NTM: variants seen among roughly 807,000 people sequenced by gnomAD.
The protein encoded by NTM is IgLON family member 2.
NTM carries 13 observed loss-of-function variants against 42.1 expected under a neutral mutation model. The ratio of observed to expected loss-of-function variants is 0.31; its 90% CI spans 0.20 to 0.49. The LOEUF is 0.49. Among genes scored for constraint, NTM ranks in the 20% least tolerant of loss-of-function variants. The pLI, the probability that NTM is intolerant of heterozygous loss-of-function variation, is 0.99. For synonymous variants in NTM, 187 were observed against 179.2 expected (o/e 1.04, Z -0.35); for missense variants, 373 against 452.8 (o/e 0.82, Z 1.60).
At chr11:132,287,672 A>G (rs1217929476) in intron 4 of NTM, among the ~76,000 whole-genome samples, 1 of 152,260 alleles carries the variant, frequency 6.6e-6, no homozygotes, top group African/African-American at 2.4e-5. Context: ...AATATAAAAC[A>G]TCTGAAAAAT....
At chr11:132,074,022 T>C (rs991562286) in intron 2 of NTM, among the ~76,000 whole-genome samples, 8 of 152,216 alleles carry the variant, frequency 5.3e-5, no homozygotes, top group Non-Finnish European at 1.0e-4. Flanking sequence ...GCAGTTCTAA[T>C]TGGCTGAGGA....
intron 2 of NTM, among the ~76,000 whole-genome samples, chr11:132,115,440 T>G (rs1327076170): frequency 6.6e-6 from 1 of 152,216 alleles, no homozygotes; most frequent in Non-Finnish European, 1.5e-5. Flanking sequence ...TATACAAGTT[T>G]TATTTGTCAA....
In NTM at chr11:132,336,417, G is replaced by A. The variant is rs1036155191; in HGVS notation, c.*1271G>A. 14 of 152,234 alleles carry A rather than the reference G, an allele frequency of 9.2e-5. No individual in the cohort carries two copies. The highest frequency in any genetic ancestry group is 2.9e-4 in the African/African-American group (12 of 41,492). The allele number at this position is 152,234 out of a possible 1,614,324, so 9.4% of individuals were successfully genotyped here. A position where few individuals can be genotyped will look rare whatever the true frequency, so the allele number is the denominator to read the frequency against. On this transcript the variant is annotated 3_prime_UTR_variant, in exon 9 of 9. Transcript: ENST00000683400. ...AAAAAAAAAAAACAACTAATACCGG[G>A]CGCAGCATCTTTCCAGGTGTGGCTC...
chr11:131,959,928 C>G (rs1012123633), intron 2 of NTM, among the ~76,000 whole-genome samples: 3 of 152,206 alleles, frequency 2.0e-5, no homozygotes, highest in African/African-American at 7.2e-5. Flanking sequence ...AACTTTCTCA[C>G]TTGTCTGAGG....
At chr11:131,806,998 C>T (rs2092526107) in intron 1 of NTM, among the ~76,000 whole-genome samples, 1 of 152,118 alleles carries the variant, frequency 6.6e-6, no homozygotes, top group Non-Finnish European at 1.5e-5. Context: ...TGCTGGATTA[C>T]AGGATGAGCA....
At chr11:132,218,100 A>T (rs1371318226) in intron 4 of NTM, among the ~76,000 whole-genome samples, 2 of 152,106 alleles carry the variant, frequency 1.3e-5, no homozygotes, top group African/African-American at 4.8e-5. Flanking sequence ...GGAACTAATG[A>T]GCAGCCTGTC....
chr11:131,853,429 G>A (rs1246628815), intron 1 of NTM, among the ~76,000 whole-genome samples: 1 of 152,034 alleles, frequency 6.6e-6, no homozygotes, highest in Non-Finnish European at 1.5e-5. Flanking sequence ...AGTGTGTGTT[G>A]TTTCCCCCTG....
chr11:131,671,660 C>T lies in NTM; in HGVS notation c.83-239904C>T, dbSNP rs148941045. 4.9e-3 allele frequency: 4,641 copies of T among 946,612 alleles called. 11 individuals carry two copies. Among genetic ancestry groups the T allele is most frequent in the Middle Eastern group, 0.024 (45 of 1,850 alleles). 58.6% of individuals were successfully genotyped at this position (946,612 alleles called of 1,614,324 possible). A position where few individuals can be genotyped will look rare whatever the true frequency, so the allele number is the denominator to read the frequency against. Reference sequence around the variant, plus strand: ...CCCTGTGAGAACCACCAAGACTCAGCGGTATAGGAAGCAGACGCCTTGGGC... The same window carrying T: ...CCCTGTGAGAACCACCAAGACTCAGTGGTATAGGAAGCAGACGCCTTGGGC... On this transcript the variant is annotated intron_variant, in intron 1 of 8. Coordinates refer to ENST00000683400, the MANE Select transcript of NTM (RefSeq NM_001352005.2).
At chr11:132,310,062 A>G (rs1390950791) in intron 5 of NTM, 50 bp from the exon 6 acceptor site, 21 of 1,501,308 alleles carry the variant, frequency 1.4e-5, no homozygotes, top group Non-Finnish European at 1.9e-5. Context: ...ATCTCAAAAA[A>G]AAAAAAAAAA....
chr11:131,718,496 A>G lies in NTM; in HGVS notation c.83-193068A>G, dbSNP rs1018076380. 1.1e-4 allele frequency among the ~76,000 whole-genome samples: 17 copies of G among 152,344 alleles called. No individual in the cohort carries two copies. The South Asian group carries it at 3.5e-3, about 32-fold the overall frequency. ...TACCCAATTCAATGCCTCATGAATT[A>G]TTGGGTTAATCAAGTTTTCCATTCT... On this transcript the variant is annotated intron_variant, in intron 1 of 8. Transcript: ENST00000683400.
Position 132,069,485 on chromosome 11 carries a change from A to G in NTM, c.168-76797A>G, listed in dbSNP as rs1186912124. On this transcript the variant is annotated intron_variant, in intron 2 of 8. Transcript: ENST00000683400. ...AACTGACCGTCACAGGTTAGTTAACATGTCACACAGCCAAGTTAACACGTC... is the reference window on the plus strand; with the variant it reads ...AACTGACCGTCACAGGTTAGTTAACGTGTCACACAGCCAAGTTAACACGTC... Among the ~76,000 whole-genome samples, 9 of 125,744 alleles carry G rather than the reference A, an allele frequency of 7.2e-5. 1 individual carries two copies. Among genetic ancestry groups the G allele is most frequent in the African/African-American group, 3.0e-4 (9 of 29,684 alleles). The allele number at this position is 125,744 out of a possible 152,430, so 82.5% of individuals were successfully genotyped here. A position where few individuals can be genotyped will look rare whatever the true frequency, so the allele number is the denominator to read the frequency against.
intron 1 of NTM, among the ~76,000 whole-genome samples, chr11:131,619,766 G>C (rs2062331887): frequency 6.6e-6 from 1 of 151,598 alleles, no homozygotes; most frequent in Non-Finnish European, 1.5e-5. Context: ...AAGTCACCCA[G>C]TAAAATAGCA....
intron 1 of NTM, among the ~76,000 whole-genome samples, chr11:131,748,711 T>C (rs2082123029): frequency 6.6e-6 from 1 of 152,196 alleles, no homozygotes; most frequent in Non-Finnish European, 1.5e-5. Context: ...TGCAATTCTT[T>C]TAATTTATTT....
intron 1 of NTM, among the ~76,000 whole-genome samples, chr11:131,730,828 T>C (rs903182392): frequency 1.3e-4 from 20 of 152,138 alleles, no homozygotes. Flanking sequence ...CAAGGAGTTC[T>C]GTTAGAATCA....
intron 1 of NTM, among the ~76,000 whole-genome samples, chr11:131,525,855 GTGT>G (rs1251364321): frequency 6.6e-6 from 1 of 152,138 alleles, no homozygotes. Context: ...ATGTGTGTGT[GTGT>G]GTGCATGTAT....
intron 1 of NTM, among the ~76,000 whole-genome samples, chr11:131,569,691 C>T (rs1208343614): frequency 1.3e-5 from 2 of 151,312 alleles, no homozygotes; most frequent in African/African-American, 4.9e-5. Context: ...AATCTTCCCT[C>T]CTCAGCCACC....
intron 1 of NTM, among the ~76,000 whole-genome samples, chr11:131,601,701 A>G (rs2060500624): frequency 6.6e-6 from 1 of 152,124 alleles, no homozygotes; most frequent in Non-Finnish European, 1.5e-5. Flanking sequence ...CCTTCTGACT[A>G]CAAGTTTCTC....
intron 2 of NTM, among the ~76,000 whole-genome samples, chr11:132,092,488 C>T (rs566873796): frequency 8.5e-5 from 13 of 152,256 alleles, no homozygotes; most frequent in East Asian, 1.9e-4. Context: ...CCTTAGTTCC[C>T]GGATTCTCTG....
At chr11:131,974,925 T>C (rs2064091205) in intron 2 of NTM, among the ~76,000 whole-genome samples, 1 of 152,138 alleles carries the variant, frequency 6.6e-6, no homozygotes, top group East Asian at 1.9e-4. Flanking sequence ...ATCACAAATG[T>C]CCTAAATTAT....
Sources: gnomAD v4.1 joint callset for allele counts (sites outside exome capture counted in the v4.1 genomes callset) on GRCh38, gnomAD v4.1.1 for gene constraint, MANE v1.5 for transcripts, NCBI Gene and HGNC (gene_info 2026-07-23, HGNC 2026-07-21) for gene names.